PITPNM3: variants seen among roughly 807,000 people sequenced by gnomAD.
The protein encoded by PITPNM3 is PITPNM family member 3.
A neutral mutation model predicts 102.0 loss-of-function variants in PITPNM3; 26 were observed. The ratio of observed to expected loss-of-function variants is 0.25; its 90% CI spans 0.19 to 0.35. The LOEUF (loss-of-function observed/expected upper bound fraction) is 0.35, where lower values mean the gene tolerates loss of function less well. Among genes scored for constraint, PITPNM3 ranks in the 10% least tolerant of loss-of-function variants. The probability of loss-of-function intolerance (pLI) is 1.00; values close to 1 mark genes in which losing one functional copy is unlikely to be tolerated. For missense variants in PITPNM3, 1,083 were observed against 1,346.1 expected, an observed-to-expected ratio of 0.80 and a Z score of 3.06; for synonymous variants, 578 against 558.6, an observed-to-expected ratio of 1.03 and a Z score of -0.49.
At chr17:6,526,405 T>C (rs1216554395) in intron 2 of PITPNM3, among the ~76,000 whole-genome samples, 1 of 152,216 alleles carries the variant, frequency 6.6e-6, no homozygotes, top group African/African-American at 2.4e-5. Context: ...AAGAGCTTTG[T>C]GCCCTCCCTC....
chr17:6,496,243 G>A (rs1037923189), intron 4 of PITPNM3, among the ~76,000 whole-genome samples: 2 of 151,954 alleles, frequency 1.3e-5, no homozygotes, highest in Non-Finnish European at 1.5e-5. Context: ...ACTGCATCAC[G>A]GGCTGGATCC....
chr17:6,530,433 GCAA>G (rs2150652564), intron 2 of PITPNM3, among the ~76,000 whole-genome samples: 1 of 152,298 alleles, frequency 6.6e-6, no homozygotes, highest in South Asian at 2.1e-4. Flanking sequence ...AGCAGATTCC[GCAA>G]CACAGAACCC....
intron 4 of PITPNM3, among the ~76,000 whole-genome samples, chr17:6,502,869 C>T (rs1013918587): frequency 1.3e-5 from 2 of 152,126 alleles, no homozygotes; most frequent in African/African-American, 4.8e-5. Flanking sequence ...ATGGCCACAT[C>T]TCGACCAGGT....
intron 1 of PITPNM3, among the ~76,000 whole-genome samples, chr17:6,540,417 G>C (rs1300482252): frequency 6.6e-6 from 1 of 152,142 alleles, no homozygotes; most frequent in African/African-American, 2.4e-5. Flanking sequence ...ACAGCCTAAA[G>C]AACAGACAGA....
At chr17:6,548,872 C>A (rs999396439) in intron 1 of PITPNM3, among the ~76,000 whole-genome samples, 1 of 152,126 alleles carries the variant, frequency 6.6e-6, no homozygotes, top group Non-Finnish European at 1.5e-5. Context: ...GAGCCCAACG[C>A]GTTTCTATTT....
rs1913890175 is a variant in PITPNM3 at position 6,452,488 on chromosome 17, C to A, written c.*2850G>T. 6.6e-6 allele frequency: 1 copy of A among 152,220 alleles called. No homozygotes were observed. The allele number at this position is 152,220 out of a possible 1,614,324, so 9.4% of individuals were successfully genotyped here. A position where few individuals can be genotyped will look rare whatever the true frequency, so the allele number is the denominator to read the frequency against. On this transcript the variant is annotated 3_prime_UTR_variant, in exon 20 of 20. Transcript: ENST00000262483. ...GCTAGAAGGATTCTCTACAAAACAG[C>A]TGGATTGGGGGTCACAGAACTACTC...
At position 6,469,457 on chromosome 17, in the gene PITPNM3, T is replaced by A. The variant is rs1392134379; in HGVS notation, c.1773+803A>T. 7.5e-6 allele frequency among the ~76,000 whole-genome samples: 1 copy of A among 133,356 alleles called. No homozygotes were observed. Among genetic ancestry groups the A allele is most frequent in the East Asian group, 2.3e-4 (1 of 4,378 alleles). The allele number at this position is 133,356 out of a possible 152,430, so 87.5% of individuals were successfully genotyped here. On this transcript the variant is annotated intron_variant, in intron 13 of 19. Transcript: ENST00000262483. The surrounding 1 kb of genome is among the most constrained non-coding windows in gnomAD (Gnocchi z 4.0). ...ACAAAACTCACTTTCCTCCGCCCCC[T>A]GCCCAGCCCTGCTCTTCCGCACGTG...
At chr17:6,464,435 G>C (rs1904658304) in intron 15 of PITPNM3, 117 bp from the exon 16 acceptor site, 5 of 1,206,642 alleles carry the variant, frequency 4.1e-6, no homozygotes, top group Non-Finnish European at 6.0e-6. Flanking sequence ...CCTGGCTCCT[G>C]CCAGCCTGGC....
chr17:6,479,395 C>T (rs1321737799), intron 6 of PITPNM3: 2 of 152,692 alleles, frequency 1.3e-5, no homozygotes, highest in Non-Finnish European at 2.9e-5. Flanking sequence ...CCCTCAACTC[C>T]CTACCTTCCC....
In PITPNM3 at chr17:6,470,360, C is replaced by T. The variant is rs1185091193; in HGVS notation, c.1673G>A (p.Cys558Tyr). ...GSKRIDYALYCPDVLTAFPTV... is the reference protein window; with the variant it reads ...GSKRIDYALYYPDVLTAFPTV... ...GGGGAAGGCCGTGAGGACATCAGGG[C>T]AGTACAGGGCATAGTCGATCCTCTT... Residue 558 changes from cysteine to tyrosine, a missense_variant, in exon 13 of 20, where the codon TGC becomes TAC. Around this residue, in one of 5 missense-constraint regions of PITPNM3, gnomAD observed 410 missense variants for 638.4 expected, o/e 0.64. Coordinates refer to ENST00000262483, the MANE Select transcript of PITPNM3 (RefSeq NM_031220.4). The surrounding 1 kb of genome is among the most constrained non-coding windows in gnomAD (Gnocchi z 4.8). The T allele has an allele frequency of 6.2e-7, 1 of 1,614,036 alleles. No homozygotes were observed. The highest frequency in any genetic ancestry group is 8.5e-7 in the Non-Finnish European group (1 of 1,180,014).
chr17:6,461,360 G>A lies in PITPNM3; in HGVS notation c.2490+13C>T, dbSNP rs1200758320. 8.7e-6 allele frequency: 14 copies of A among 1,613,428 alleles called. No homozygotes were observed. The highest frequency in any genetic ancestry group is 1.2e-5 in the Non-Finnish European group (14 of 1,179,812). The stretch of plus-strand genomic sequence containing the variant: ...TCAAGCCATGGAGTCCCCACCCCAG[G>A]ATGGCCACTCACCTCCTGCATGAGG... On this transcript the variant is annotated intron_variant, in intron 18 of 19. Transcript: ENST00000262483.
Position 6,455,326 on chromosome 17 carries a change from A to G in PITPNM3, c.*12T>C, listed in dbSNP as rs1161309746. On this transcript the variant is annotated 3_prime_UTR_variant, in exon 20 of 20. Transcript: ENST00000262483. ...GGGCCCCCCGCTCCCTGCTCTGAGC[A>G]CAGCCCACCCCTCAGGGCACCGACT... The G allele has an allele frequency of 1.3e-6, 2 of 1,564,744 alleles. No individual in the cohort carries two copies. The highest frequency in any genetic ancestry group is 1.7e-6 in the Non-Finnish European group (2 of 1,157,692).
intron 14 of PITPNM3, among the ~76,000 whole-genome samples, chr17:6,466,861 A>G (rs1294362017): frequency 2.0e-5 from 3 of 152,168 alleles, no homozygotes; most frequent in East Asian, 3.8e-4. Flanking sequence ...CCTGGCCAAC[A>G]TGGCGAAACT....
At chr17:6,524,262 G>A (rs562989095) in intron 3 of PITPNM3, among the ~76,000 whole-genome samples, 22 of 152,280 alleles carry the variant, frequency 1.4e-4, no homozygotes, top group African/African-American at 4.3e-4. Flanking sequence ...GCCAGAGCAC[G>A]ACTGCGAATG....
chr17:6,473,481 C>A (rs1905156501), intron 10 of PITPNM3, among the ~76,000 whole-genome samples: 1 of 152,188 alleles, frequency 6.6e-6, no homozygotes, highest in Admixed American at 6.5e-5. Flanking sequence ...ATTTCTACCA[C>A]CCACTTTATC....
chr17:6,499,860 A>C (rs1256666657), intron 4 of PITPNM3, among the ~76,000 whole-genome samples: 1 of 152,048 alleles, frequency 6.6e-6, no homozygotes, highest in Admixed American at 6.6e-5. Context: ...CCTCCCAAGT[A>C]GCTGGGATTA....
chr17:6,508,104 G>A (rs574875465), intron 3 of PITPNM3, among the ~76,000 whole-genome samples: 6 of 152,234 alleles, frequency 3.9e-5, no homozygotes, highest in South Asian at 4.1e-4. Flanking sequence ...TTCAGAGGCC[G>A]GAAGAAGCTC....
In PITPNM3 at chr17:6,472,550, G is replaced by A; in HGVS notation, c.1429+107C>T. 1.4e-6 allele frequency: 2 copies of A among 1,408,356 alleles called. No homozygotes were observed. Among genetic ancestry groups the A allele is most frequent in the South Asian group, 1.3e-5 (1 of 79,906 alleles). The allele number at this position is 1,408,356 out of a possible 1,614,324, so 87.2% of individuals were successfully genotyped here. ...AGTCGGCTAACCTTCTGTTCTCACA[G>A]CCCCTGCTCAGGTGAGTCACCCTAC... On this transcript the variant is annotated intron_variant, in intron 11 of 19. Transcript: ENST00000262483. The surrounding 1 kb of genome is among the most constrained non-coding windows in gnomAD (Gnocchi z 4.1).
At chr17:6,550,383 C>T (rs1910243291) in intron 1 of PITPNM3, among the ~76,000 whole-genome samples, 1 of 152,194 alleles carries the variant, frequency 6.6e-6, no homozygotes, top group Admixed American at 6.5e-5. Flanking sequence ...ATGCTGAGAG[C>T]TGCTATAGGA....
Sources: allele counts gnomAD v4.1 joint callset (sites outside exome capture counted in the v4.1 genomes callset), GRCh38; gene constraint gnomAD v4.1.1; regional missense constraint gnomAD v4.1.1; non-coding constraint Gnocchi (gnomAD v3.1); transcripts MANE v1.5; gene names NCBI Gene and HGNC (gene_info 2026-07-23, HGNC 2026-07-21).